The following CTNND2 variants were observed in gnomAD, a reference collection of about 807,000 sequenced individuals.
The protein encoded by CTNND2 is catenin delta 2.
A neutral mutation model predicts 144.4 loss-of-function variants in CTNND2; 22 were observed. That is an observed-to-expected ratio of 0.15 (90% CI 0.11 to 0.22). The LOEUF is 0.22. Ranked by LOEUF, CTNND2 falls within the 10% of genes least tolerant of loss-of-function variation. CTNND2 has a pLI of 1.00. For missense variants in CTNND2, 1,353 were observed against 1,618.8 expected (o/e 0.84, Z 2.82); for synonymous variants, 751 against 695.6 (o/e 1.08, Z -1.25).
chr5:11,834,150 C>A (rs112322079), intron 1 of CTNND2, among the ~76,000 whole-genome samples: 3 of 152,110 alleles, frequency 2.0e-5, no homozygotes, highest in Non-Finnish European at 4.4e-5. Context: ...TAAAAGCACA[C>A]AGCCAATAAA....
intron 18 of CTNND2, among the ~76,000 whole-genome samples, chr5:10,999,235 T>G (rs1311259215): frequency 6.6e-6 from 1 of 152,246 alleles, no homozygotes; most frequent in East Asian, 1.9e-4. Flanking sequence ...AATCAATCTA[T>G]TATTCATTTG....
chr5:11,302,436 C>A (rs2071667721), intron 9 of CTNND2, among the ~76,000 whole-genome samples: 1 of 152,098 alleles, frequency 6.6e-6, no homozygotes, highest in African/African-American at 2.4e-5. Flanking sequence ...AAGTTATTCT[C>A]CTTTATCCCC....
At chr5:11,336,867 C>T (rs1753784221) in intron 9 of CTNND2, among the ~76,000 whole-genome samples, 3 of 152,214 alleles carry the variant, frequency 2.0e-5, no homozygotes, top group Admixed American at 2.0e-4. Flanking sequence ...CACACACACA[C>T]ATAACTTTCT....
chr5:11,666,900 T>A (rs1581692560), intron 2 of CTNND2, among the ~76,000 whole-genome samples: 2 of 152,124 alleles, frequency 1.3e-5, no homozygotes, highest in South Asian at 4.1e-4. Flanking sequence ...ATATTTCTCA[T>A]AATGCTATAC....
rs2149853094 is a variant in CTNND2, at chr5:11,420,927, C to T, written c.288-8858G>A. Among the ~76,000 whole-genome samples, 2 of 152,194 alleles carry T rather than the reference C, an allele frequency of 1.3e-5. 1 individual carries two copies. The highest frequency in any genetic ancestry group is 3.9e-4 in the East Asian group (2 of 5,176). ...ATCTTGAGGAAGTAAGGAACTGCTT[C>T]CTCTTTTATGAGATTGTTACCCAGT... is the stretch of plus-strand genomic sequence containing the variant. On this transcript the variant is annotated intron_variant, in intron 3 of 21. Coordinates refer to ENST00000304623, the MANE Select transcript of CTNND2 (RefSeq NM_001332.4).
At chr5:11,628,433 A>T (rs1157650598) in intron 2 of CTNND2, among the ~76,000 whole-genome samples, 1 of 152,202 alleles carries the variant, frequency 6.6e-6, no homozygotes, top group Non-Finnish European at 1.5e-5. Context: ...CATGTAAAAG[A>T]TGAGGCAATT....
At chr5:11,440,557 C>T (rs1334461498) in intron 3 of CTNND2, among the ~76,000 whole-genome samples, 1 of 152,130 alleles carries the variant, frequency 6.6e-6, no homozygotes. Context: ...AAAGAATCCC[C>T]AAATGAGAAA....
At chr5:11,600,542 C>T (rs1779732874) in intron 2 of CTNND2, among the ~76,000 whole-genome samples, 2 of 151,652 alleles carry the variant, frequency 1.3e-5, no homozygotes, top group Admixed American at 1.3e-4. Flanking sequence ...CCCATCTCTA[C>T]TAAAAATAGA....
intron 12 of CTNND2, among the ~76,000 whole-genome samples, chr5:11,143,667 T>C (rs188415030): frequency 3.3e-5 from 5 of 152,252 alleles, no homozygotes; most frequent in African/African-American, 7.2e-5. Context: ...TCTTCAGTAG[T>C]TGGGGTTAGG....
At chr5:11,014,492 G>A (rs1457972468) in intron 18 of CTNND2, among the ~76,000 whole-genome samples, 1 of 152,160 alleles carries the variant, frequency 6.6e-6, no homozygotes, top group Non-Finnish European at 1.5e-5. Context: ...TTAAAAGGGT[G>A]ATGCATTCTT....
intron 12 of CTNND2, among the ~76,000 whole-genome samples, chr5:11,153,303 G>A (rs1757920124): frequency 6.6e-6 from 1 of 152,118 alleles, no homozygotes; most frequent in Non-Finnish European, 1.5e-5. Context: ...GCTGACACAT[G>A]CCCCTCATCT....
intron 16 of CTNND2, among the ~76,000 whole-genome samples, chr5:11,036,011 C>A (rs1744030301): frequency 6.6e-6 from 1 of 152,162 alleles, no homozygotes; most frequent in Non-Finnish European, 1.5e-5. Context: ...TGGGTTTTCT[C>A]TCTGATTATA....
At chr5:11,609,591 AT>A (rs200507328) in intron 2 of CTNND2, among the ~76,000 whole-genome samples, 5,037 of 152,306 alleles carry the variant, frequency 0.033, 124 homozygotes, top group Non-Finnish European at 0.047. Context: ...ATTATATTAA[AT>A]AATAGTATTG....
intron 1 of CTNND2, among the ~76,000 whole-genome samples, chr5:11,736,729 G>T (rs1033963437): frequency 1.3e-5 from 2 of 152,130 alleles, no homozygotes; most frequent in Non-Finnish European, 2.9e-5. Context: ...CAGGAAATCT[G>T]GGAAGTATAG....
At chr5:11,285,277 C>T (rs1311471573) in intron 9 of CTNND2, among the ~76,000 whole-genome samples, 31 of 152,136 alleles carry the variant, frequency 2.0e-4, no homozygotes. Context: ...AGCTTTAAGT[C>T]CCCACTTTTC....
chr5:11,278,550 G>T (rs1166257945), intron 9 of CTNND2, among the ~76,000 whole-genome samples: 8 of 152,140 alleles, frequency 5.3e-5, no homozygotes, highest in African/African-American at 1.9e-4. Context: ...TAGTGGCCAG[G>T]AAAGACCTCA....
chr5:11,726,431 C>A (rs1020912969), intron 2 of CTNND2, among the ~76,000 whole-genome samples: 1 of 152,028 alleles, frequency 6.6e-6, no homozygotes, highest in Non-Finnish European at 1.5e-5. Flanking sequence ...GGAAGGAAAT[C>A]TCCCTAAATA....
chr5:11,409,486 G>A (rs991686903), intron 5 of CTNND2, among the ~76,000 whole-genome samples: 1 of 151,990 alleles, frequency 6.6e-6, no homozygotes, highest in Non-Finnish European at 1.5e-5. Flanking sequence ...TCTGATTCAT[G>A]AGACGTGCAT....
At chr5:11,102,334 G>A (rs1271339648) in intron 14 of CTNND2, among the ~76,000 whole-genome samples, 1 of 152,092 alleles carries the variant, frequency 6.6e-6, no homozygotes, top group Non-Finnish European at 1.5e-5. Context: ...CTTATGAATT[G>A]TCTTGTTCAT....
Sources: gnomAD v4.1 joint callset for allele counts (sites outside exome capture counted in the v4.1 genomes callset) on GRCh38, gnomAD v4.1.1 for gene constraint, MANE v1.5 for transcripts, NCBI Gene and HGNC (gene_info 2026-07-23, HGNC 2026-07-21) for gene names.